Variants in CDH17 observed in about 807,000 individuals in gnomAD.
The protein encoded by CDH17 is cadherin 17.
CDH17 carries 67 observed loss-of-function variants against 86.3 expected under a neutral mutation model. The observed-to-expected ratio is 0.78, with a 90% CI of 0.64 to 0.95. The LOEUF (loss-of-function observed/expected upper bound fraction) is 0.95, where lower values mean the gene tolerates loss of function less well. Among genes scored for constraint, CDH17 ranks in the 40% least tolerant of loss-of-function variants. The pLI, the probability that CDH17 is intolerant of heterozygous loss-of-function variation, is 0.00. For missense variants in CDH17, 993 were observed against 1,017.6 expected (o/e 0.98, Z 0.33); for synonymous variants, 367 against 366.4 (o/e 1.00, Z -0.02).
intron 2 of CDH17, among the ~76,000 whole-genome samples, chr8:94,192,556 T>C (rs890528503): frequency 6.6e-6 from 1 of 152,170 alleles, no homozygotes; most frequent in Non-Finnish European, 1.5e-5. Context: ...CCAGCGCCAT[T>C]GGACCACCAA....
chr8:94,152,774 T>A (rs1402546569), intron 12 of CDH17, among the ~76,000 whole-genome samples: 2 of 152,198 alleles, frequency 1.3e-5, no homozygotes, highest in African/African-American at 4.8e-5. Flanking sequence ...TGTTGAGGAC[T>A]TTGTGCTGTG....
At chr8:94,142,352 A>G (rs1812655555) in intron 15 of CDH17, among the ~76,000 whole-genome samples, 1 of 152,214 alleles carries the variant, frequency 6.6e-6, no homozygotes, top group South Asian at 2.1e-4. Context: ...CTAAATGTCC[A>G]TACCTTAATT....
At position 94,145,961 on chromosome 8, in the gene CDH17, A is replaced by C; in HGVS notation, c.2134T>G (p.Leu712Val). The change falls in exon 15 of 18, where the codon TTA becomes GTA. Residue 712 changes from leucine to valine, a missense_variant. Transcript: ENST00000027335. ...TTGGAAACTTCCCAGTCGTTTTGTA[A>C]GCTTCCACTGCCGAGGGAAAATGTA... is the stretch of plus-strand genomic sequence containing the variant. ...HFTFSLGSGS[L>V]QNDWEVSKIN... 1 of 1,613,498 alleles carries C rather than the reference A, an allele frequency of 6.2e-7. No individual in the cohort carries two copies. The highest frequency in any genetic ancestry group is 8.5e-7 in the Non-Finnish European group (1 of 1,179,780).
chr8:94,176,813 G>C (rs1813383658), intron 4 of CDH17, 134 bp from the exon 5 acceptor site: 3 of 801,858 alleles, frequency 3.7e-6, no homozygotes, highest in South Asian at 3.9e-5. Context: ...CTCACAAAAG[G>C]CCAAATTGGG....
intron 11 of CDH17, among the ~76,000 whole-genome samples, chr8:94,161,019 AAAG>A (rs1203888568): frequency 6.6e-6 from 1 of 152,194 alleles, no homozygotes; most frequent in African/African-American, 2.4e-5. Context: ...TCATGATCCT[AAAG>A]AAGGTTATAA....
Position 94,176,184 on chromosome 8 carries a change from C to T in CDH17, c.424+357G>A, listed in dbSNP as rs1408386928. On this transcript the variant is annotated intron_variant, in intron 5 of 17. Transcript: ENST00000027335. ...CCTCCCAAAGTACTGGGATTTTGTG[C>T]CCTCCACCCACCAGAGGATATTTGG... is the stretch of plus-strand genomic sequence containing the variant. Among the ~76,000 whole-genome samples, 3 of 152,242 alleles carry T rather than the reference C, an allele frequency of 2.0e-5. No homozygotes were observed. In the East Asian group the frequency reaches 5.8e-4, roughly 29 times the overall value.
intron 12 of CDH17, among the ~76,000 whole-genome samples, chr8:94,159,768 C>A (rs1208968406): frequency 6.6e-6 from 1 of 152,102 alleles, no homozygotes; most frequent in Non-Finnish European, 1.5e-5. Context: ...GGCTAGCTAG[C>A]AACAGAGCCA....
intron 3 of CDH17, among the ~76,000 whole-genome samples, chr8:94,182,636 G>T (rs1023718082): frequency 6.6e-6 from 1 of 152,076 alleles, no homozygotes; most frequent in African/African-American, 2.4e-5. Context: ...GGACACCGAA[G>T]TAAGCCCCAC....
At chr8:94,134,786 T>A (rs1297606146) in intron 15 of CDH17, among the ~76,000 whole-genome samples, 1 of 152,234 alleles carries the variant, frequency 6.6e-6, no homozygotes, top group Non-Finnish European at 1.5e-5. Flanking sequence ...TGCTTTCTCA[T>A]GTGGGCATTT....
chr8:94,181,271 T>C (rs948295267), intron 3 of CDH17, among the ~76,000 whole-genome samples: 2 of 152,098 alleles, frequency 1.3e-5, no homozygotes, highest in African/African-American at 4.8e-5. Flanking sequence ...CTTTAAATAA[T>C]AGAATAGAAA....
At chr8:94,197,369 T>A (rs1039962852) in intron 1 of CDH17, 7 of 151,900 alleles carry the variant, frequency 4.6e-5, no homozygotes, top group African/African-American at 1.7e-4. Flanking sequence ...AAATTAAAAT[T>A]AAAAATAAAA....
At chr8:94,141,070 TTAAG>T (rs1812627627) in intron 15 of CDH17, among the ~76,000 whole-genome samples, 1 of 152,000 alleles carries the variant, frequency 6.6e-6, no homozygotes, top group Admixed American at 6.6e-5. Flanking sequence ...GATGCAAAAA[TTAAG>T]TTTTAGCAAA....
chr8:94,216,904 A>G (rs1814203335), intron 1 of CDH17, among the ~76,000 whole-genome samples: 1 of 152,216 alleles, frequency 6.6e-6, no homozygotes. Flanking sequence ...GGCAGCAGTC[A>G]TTCTTAAAGT....
intron 15 of CDH17, among the ~76,000 whole-genome samples, chr8:94,143,959 T>C (rs1053178373): frequency 6.6e-6 from 1 of 152,214 alleles, no homozygotes; most frequent in African/African-American, 2.4e-5. Flanking sequence ...TTTCCCTCAA[T>C]AACTTTTGCC....
intron 12 of CDH17, among the ~76,000 whole-genome samples, chr8:94,156,665 A>C (rs1812954426): frequency 6.6e-6 from 1 of 152,206 alleles, no homozygotes; most frequent in Non-Finnish European, 1.5e-5. Context: ...CGCAGTCCTC[A>C]GTATGCACCA....
At chr8:94,140,498 T>A (rs1812617238) in intron 15 of CDH17, among the ~76,000 whole-genome samples, 1 of 151,240 alleles carries the variant, frequency 6.6e-6, no homozygotes, top group Non-Finnish European at 1.5e-5. Flanking sequence ...AACAAAAAGA[T>A]CTCAAATTAA....
intron 1 of CDH17, among the ~76,000 whole-genome samples, chr8:94,206,905 C>T (rs1814038719): frequency 6.6e-6 from 1 of 152,070 alleles, no homozygotes; most frequent in South Asian, 2.1e-4. Context: ...CTCAGCTTCT[C>T]AAAGTACTGG....
intron 1 of CDH17, chr8:94,197,315 G>A (rs933084010): frequency 4.6e-5 from 7 of 151,818 alleles, no homozygotes; most frequent in Admixed American, 3.3e-4. Context: ...CTGCAGCCTG[G>A]GTGACAGAGC....
Position 94,177,642 on chromosome 8 carries a change from A to T in CDH17, c.230T>A (p.Leu77His), listed in dbSNP as rs1813401006. ...DNIFVIEREG[L>H]LYYNRALDRE... Reference sequence around the variant, plus strand: ...GTCCAAGGCTCTGTTGTAATACAGAAGTCCCTCCCGTTCTATCACAAATAT... The same window carrying T: ...GTCCAAGGCTCTGTTGTAATACAGATGTCCCTCCCGTTCTATCACAAATAT... Residue 77 changes from leucine (L) to histidine (H), a missense_variant, in exon 4 of 18, where the codon CTT becomes CAT. Coordinates refer to ENST00000027335, the MANE Select transcript of CDH17 (RefSeq NM_004063.4). 6.2e-7 allele frequency: 1 copy of T among 1,613,458 alleles called. No homozygotes were observed. Among genetic ancestry groups the T allele is most frequent in the African/African-American group, 1.3e-5 (1 of 74,918 alleles).
Sources: allele counts gnomAD v4.1 joint callset (sites outside exome capture counted in the v4.1 genomes callset), GRCh38; gene constraint gnomAD v4.1.1; transcripts MANE v1.5; gene names NCBI Gene and HGNC (gene_info 2026-07-23, HGNC 2026-07-21).